The following PSD2 variants were observed in gnomAD, a reference collection of about 807,000 sequenced individuals.
The protein encoded by PSD2 is pleckstrin and Sec7 domain containing 2.
Under a neutral mutation model 69.8 loss-of-function variants are expected in PSD2, and 38 were observed. The observed-to-expected ratio is 0.54, with a 90% confidence interval of 0.42 to 0.71. The LOEUF (loss-of-function observed/expected upper bound fraction) is 0.71, where lower values mean the gene tolerates loss of function less well. Ranked by LOEUF, PSD2 falls within the 30% of genes least tolerant of loss-of-function variation. PSD2 has a pLI of 0.00. For missense variants in PSD2, 943 were observed against 1,014.5 expected (o/e 0.93, Z 0.96); for synonymous variants, 412 against 423.0 (o/e 0.97, Z 0.32).
the PSD2 span, among the ~76,000 whole-genome samples, chr5:139,759,657 G>A: frequency 6.6e-6 from 1 of 152,202 alleles, no homozygotes; most frequent in South Asian, 2.1e-4. Context: ...GCGCCACGCC[G>A]GGCCCTTTGG....
At chr5:139,755,586 T>G in the PSD2 span, among the ~76,000 whole-genome samples, 4 of 152,038 alleles carry the variant, frequency 2.6e-5, no homozygotes, top group Non-Finnish European at 5.9e-5. Flanking sequence ...TATGTCTGTG[T>G]CTGTCCTGCT....
intron 1 of PSD2, among the ~76,000 whole-genome samples, chr5:139,796,199 G>C (rs1759521069): frequency 6.6e-6 from 1 of 152,156 alleles, no homozygotes; most frequent in African/African-American, 2.4e-5. Context: ...GAGGAAGCCC[G>C]GGCTGGCCGG....
the PSD2 span, among the ~76,000 whole-genome samples, chr5:139,753,928 C>A: frequency 0.016 from 2,461 of 152,270 alleles, 69 homozygotes; most frequent in African/African-American, 0.056. Context: ...ACTCCGCCTC[C>A]CAGGTTCAAG....
chr5:139,755,914 T>A, the PSD2 span, among the ~76,000 whole-genome samples: 2 of 151,948 alleles, frequency 1.3e-5, no homozygotes, highest in Admixed American at 6.6e-5. Flanking sequence ...TTCGTATACT[T>A]AAAAAAAGCA....
chr5:139,829,612 G>A (rs866626072), intron 7 of PSD2, among the ~76,000 whole-genome samples: 32 of 152,162 alleles, frequency 2.1e-4, no homozygotes, highest in African/African-American at 6.3e-4. Context: ...TGTGACTGGC[G>A]TCTTTCATTT....
intron 7 of PSD2, among the ~76,000 whole-genome samples, chr5:139,830,377 GC>G (rs1420164651): frequency 3.0e-5 from 4 of 135,052 alleles, no homozygotes; most frequent in Non-Finnish European, 6.2e-5. Flanking sequence ...TTTTGAGACA[GC>G]GTCTCTCTGT....
Position 139,814,237 on chromosome 5 carries a change from C to A in PSD2, c.889C>A (p.Pro297Thr), listed in dbSNP as rs147317387. 91 of 1,613,854 alleles carry A rather than the reference C, an allele frequency of 5.6e-5. No homozygotes were observed. Among genetic ancestry groups the A allele is most frequent in the Non-Finnish European group, 7.5e-5 (88 of 1,179,876 alleles). Residue 297 changes from proline (P) to threonine (T), a missense_variant, in exon 4 of 15, where the codon CCT becomes ACT. This residue lies in a region of PSD2 where 466 missense variants were observed against 445.0 expected (regional missense o/e 1.05). Coordinates refer to ENST00000274710, the MANE Select transcript of PSD2 (RefSeq NM_032289.4). The surrounding 1 kb of genome is among the most constrained non-coding windows in gnomAD (Gnocchi z 4.4). ...GCTCAGCAGCTCGGAGGGGTTGGAG[C>A]CTGGTAGTGCAGACCCTCTGGCCAA... ...SELSSSEGLEPGSADPLANGC... is the reference protein window; with the variant it reads ...SELSSSEGLETGSADPLANGC...
chr5:139,781,461 G>C, the PSD2 span, among the ~76,000 whole-genome samples: 7 of 151,222 alleles, frequency 4.6e-5, no homozygotes, highest in African/African-American at 1.5e-4. Flanking sequence ...TCAGCCTCCC[G>C]AGTAGCTGGG....
intron 8 of PSD2, among the ~76,000 whole-genome samples, chr5:139,834,331 C>A (rs555547616): frequency 1.3e-5 from 2 of 152,046 alleles, no homozygotes; most frequent in African/African-American, 4.8e-5. Context: ...TGTCACCCAC[C>A]CTGGAGTGCA....
At chr5:139,828,563 G>T (rs930140123) in intron 7 of PSD2, among the ~76,000 whole-genome samples, 2 of 152,196 alleles carry the variant, frequency 1.3e-5, no homozygotes, top group Admixed American at 6.5e-5. Context: ...TATAATTAAG[G>T]TTTAGCCTAG....
chr5:139,833,265 C>G (rs1338539154), intron 7 of PSD2, among the ~76,000 whole-genome samples: 1 of 152,090 alleles, frequency 6.6e-6, no homozygotes, highest in African/African-American at 2.4e-5. Flanking sequence ...TTTTCACTTC[C>G]TTGCCTTGTG....
Position 139,838,685 on chromosome 5 carries a change from C to T in PSD2, c.1881C>T (p.Phe627=). The T allele has an allele frequency of 6.2e-7, 1 of 1,614,062 alleles. No individual in the cohort carries two copies. Among genetic ancestry groups the T allele is most frequent in the Non-Finnish European group, 8.5e-7 (1 of 1,179,974 alleles). ...GGATCAACCTGGTGGCAGCCATCTTCTCTGCCCCGGCCTTCCCAGCCGCTG... is the reference window on the plus strand; with the variant it reads ...GGATCAACCTGGTGGCAGCCATCTTTTCTGCCCCGGCCTTCCCAGCCGCTG... ...ILRINLVAAI[F]SAPAFPAAVS... is the part of the protein sequence containing the mutation. Residue 627 remains phenylalanine (F), a synonymous_variant, in exon 13 of 15, where the codon TTC becomes TTT. Transcript: ENST00000274710.
upstream of PSD2, among the ~76,000 whole-genome samples, chr5:139,794,041 G>A (rs1185101884): frequency 4.6e-5 from 7 of 152,210 alleles, no homozygotes; most frequent in Admixed American, 4.6e-4. Context: ...AGGGCAGGGG[G>A]GTAGAATGCA....
At chr5:139,788,233 C>T in the PSD2 span, among the ~76,000 whole-genome samples, 1 of 151,962 alleles carries the variant, frequency 6.6e-6, no homozygotes, top group Non-Finnish European at 1.5e-5. Flanking sequence ...CCCGAGCTCC[C>T]CCTGCGGGAA....
At position 139,838,647 on chromosome 5, in the gene PSD2, T is replaced by A; in HGVS notation, c.1843T>A (p.Ser615Thr). 6.2e-7 allele frequency: 1 copy of A among 1,613,740 alleles called. No individual in the cohort carries two copies. The highest frequency in any genetic ancestry group is 8.5e-7 in the Non-Finnish European group (1 of 1,179,752). The change falls in exon 13 of 15, where the codon TCC becomes ACC. Residue 615 changes from serine to threonine, a missense_variant. Ser to Thr is a moderately conservative substitution (Grantham distance 58). This residue lies in a region of PSD2 where 312 missense variants were observed against 400.7 expected (regional missense o/e 0.78). Coordinates refer to ENST00000274710, the MANE Select transcript of PSD2 (RefSeq NM_032289.4). Reference protein sequence around the residue: ...FQAPSKEEMLSWILRINLVAA... With the variant: ...FQAPSKEEMLTWILRINLVAA... The stretch of plus-strand genomic sequence containing the variant: ...CCCCAGGAGCAAGGAAGAAATGCTG[T>A]CCTGGATCCTCAGGATCAACCTGGT...
At chr5:139,763,858 G>A in the PSD2 span, among the ~76,000 whole-genome samples, 10 of 152,114 alleles carry the variant, frequency 6.6e-5, no homozygotes, top group African/African-American at 2.2e-4. Context: ...CCCAAGACCC[G>A]AGCTTGAGTC....
the PSD2 span, among the ~76,000 whole-genome samples, chr5:139,748,225 A>G: frequency 6.7e-6 from 1 of 149,750 alleles, no homozygotes; most frequent in African/African-American, 2.5e-5. Context: ...ACGGTTCGAG[A>G]GGCTGAGCTA....
intron 1 of PSD2, among the ~76,000 whole-genome samples, chr5:139,805,790 G>A (rs1048139235): frequency 2.0e-5 from 3 of 152,206 alleles, no homozygotes; most frequent in Non-Finnish European, 4.4e-5. Context: ...TGGCTGATGT[G>A]GGAGAGCATG....
Position 139,803,088 on chromosome 5 carries a change from C to T in PSD2, c.-50-6303C>T, listed in dbSNP as rs1728397490. Among the ~76,000 whole-genome samples, 3 of 152,224 alleles carry T rather than the reference C, an allele frequency of 2.0e-5. No homozygotes were observed. The South Asian group carries it at 6.2e-4, about 31-fold the overall frequency. ...TTTAAAGAGGGCGTAGGTTCTTGGC[C>T]CTTGCCCTACACTTGTGTGCCCTGA... is the stretch of plus-strand genomic sequence containing the variant. On this transcript the variant is annotated intron_variant, in intron 1 of 14. Coordinates refer to ENST00000274710, the MANE Select transcript of PSD2 (RefSeq NM_032289.4).
Sources: gnomAD v4.1 joint callset for allele counts (sites outside exome capture counted in the v4.1 genomes callset) on GRCh38, gnomAD v4.1.1 for gene constraint, gnomAD v4.1.1 regional missense constraint, Gnocchi (gnomAD v3.1) non-coding constraint, MANE v1.5 for transcripts, NCBI Gene and HGNC (gene_info 2026-07-23, HGNC 2026-07-21) for gene names.